The following FBLN2 variants were observed in gnomAD, a reference collection of about 807,000 sequenced individuals.
The protein encoded by FBLN2 is fibulin 2, also known as fibulin-2.
A neutral mutation model predicts 123.7 loss-of-function variants in FBLN2; 81 were observed. The observed-to-expected ratio is 0.65, with a 90% CI of 0.55 to 0.79. The LOEUF is 0.79. Among genes scored for constraint, FBLN2 ranks in the 30% least tolerant of loss-of-function variants. The pLI, the probability that FBLN2 is intolerant of heterozygous loss-of-function variation, is 0.00. For missense variants in FBLN2, 1,603 were observed against 1,681.3 expected (o/e 0.95, Z 0.81); for synonymous variants, 699 against 701.4 (o/e 1.00, Z 0.05).
chr3:13,588,109 A>G (rs566165159), intron 2 of FBLN2, among the ~76,000 whole-genome samples: 279 of 152,334 alleles, frequency 1.8e-3, no homozygotes, highest in African/African-American at 6.5e-3. Flanking sequence ...GGCCCTATAC[A>G]GGCGAACCAC....
chr3:13,597,239 A>G (rs1210615554), intron 2 of FBLN2, among the ~76,000 whole-genome samples: 2 of 152,142 alleles, frequency 1.3e-5, no homozygotes, highest in Non-Finnish European at 2.9e-5. Context: ...GCCTGGATCT[A>G]TTTTTAAAAG....
In FBLN2 at chr3:13,609,579, A is replaced by G; in HGVS notation, c.1485A>G (p.Gly495=). The part of the protein sequence containing the change: ...QEKSCMAGVL[G]AKEGETCGAE... ...AGAGCTGCATGGCCGGCGTCCTGGG[A>G]GCCAAGGAGGGTGAGACCTGTGGGG... Residue 495 remains glycine, a synonymous_variant, in exon 4 of 18, where the codon GGA becomes GGG. Coordinates refer to ENST00000404922, the MANE Select transcript of FBLN2 (RefSeq NM_001004019.2). 6.4e-7 allele frequency: 1 copy of G among 1,558,532 alleles called. No homozygotes were observed. The highest frequency in any genetic ancestry group is 8.7e-7 in the Non-Finnish European group (1 of 1,151,132).
intron 3 of FBLN2, 46 bp downstream of exon 3, chr3:13,608,219 T>G: frequency 7.1e-7 from 1 of 1,405,710 alleles, no homozygotes; most frequent in Non-Finnish European, 9.8e-7. Context: ...ATTTGCCTTC[T>G]CCAGAACCCT....
At chr3:13,562,065 A>G (rs1445950389) in intron 1 of FBLN2, among the ~76,000 whole-genome samples, 3 of 152,166 alleles carry the variant, frequency 2.0e-5, no homozygotes, top group Admixed American at 2.0e-4. Context: ...TAAAATCCCT[A>G]CTTGATGCTT....
chr3:13,557,790 GACCC>G (rs1703500638), intron 1 of FBLN2, among the ~76,000 whole-genome samples: 1 of 152,280 alleles, frequency 6.6e-6, no homozygotes, highest in Non-Finnish European at 1.5e-5. Context: ...GCAGTGATTA[GACCC>G]ACTGTGCAGA....
At chr3:13,621,641 C>A in intron 8 of FBLN2, 134 bp from the exon 9 acceptor site, 1 of 888,690 alleles carries the variant, frequency 1.1e-6, no homozygotes, top group Non-Finnish European at 1.7e-6. Flanking sequence ...GGCCCAGCTA[C>A]ACACAGTCAG....
Position 13,549,207 on chromosome 3 carries a change from C to T in FBLN2, c.-43C>T. 5 of 983,618 alleles carry T rather than the reference C, an allele frequency of 5.1e-6. No homozygotes were observed. Among genetic ancestry groups the T allele is most frequent in the African/African-American group, 1.8e-5 (1 of 57,130 alleles). 60.9% of individuals were successfully genotyped at this position (983,618 alleles called of 1,614,324 possible). A position where few individuals can be genotyped will look rare whatever the true frequency, so the allele number is the denominator to read the frequency against. ...GACGGACGCCGAGCGCAGTGCCCCG[C>T]GGTGAGTGCACGCGGCCCCTCCCGC... On this transcript the variant is annotated splice_region_variant and 5_prime_UTR_variant, in exon 1 of 18. Coordinates refer to ENST00000404922, the MANE Select transcript of FBLN2 (RefSeq NM_001004019.2).
Position 13,629,204 on chromosome 3 carries a change from G to C in FBLN2, c.2754G>C (p.Glu918Asp), listed in dbSNP as rs1706162260. The C allele has an allele frequency of 6.2e-7, 1 of 1,613,270 alleles. No individual in the cohort carries two copies. Among genetic ancestry groups the C allele is most frequent in the Non-Finnish European group, 8.5e-7 (1 of 1,179,778 alleles). ...AGACAGGTGTGCACCGCTGCGGTGA[G>C]GGCCAAGTGTGCCACAACCTCCCTG... ...ECETGVHRCG[E>D]GQVCHNLPGS... The change falls in exon 13 of 18, where the codon GAG becomes GAC. Residue 918 changes from glutamate (E) to aspartate (D), a missense_variant. Glu to Asp is a conservative substitution (Grantham distance 45, BLOSUM62 2). Transcript: ENST00000404922.
Position 13,629,166 on chromosome 3 carries a change from G to A in FBLN2, c.2716G>A (p.Val906Met), listed in dbSNP as rs376360301. The A allele has an allele frequency of 9.9e-6, 16 of 1,612,928 alleles. 1 individual carries two copies. The East Asian group carries it at 1.1e-4, about 11-fold the overall frequency. ...GGTACCCTGCTCACCCCCCACAGAC[G>A]TGAATGAGTGTGAGACAGGTGTGCA... ...ASDDGTKCVD[V>M]NECETGVHRC... Residue 906 changes from valine to methionine, a missense_variant and splice_region_variant, in exon 13 of 18, where the codon GTG (valine) becomes ATG (methionine). Physicochemically the swap from Val to Met is conservative, Grantham distance 21 (BLOSUM62 1). Coordinates refer to ENST00000404922, the MANE Select transcript of FBLN2 (RefSeq NM_001004019.2).
intron 2 of FBLN2, among the ~76,000 whole-genome samples, chr3:13,579,868 T>G (rs1025432054): frequency 7.2e-5 from 11 of 152,184 alleles, no homozygotes; most frequent in African/African-American, 1.7e-4. Flanking sequence ...AGCACACAAC[T>G]CAAATGAATT....
intron 8 of FBLN2, among the ~76,000 whole-genome samples, chr3:13,621,537 C>A (rs554139943): frequency 2.6e-5 from 4 of 152,152 alleles, no homozygotes; most frequent in African/African-American, 9.7e-5. Context: ...CCACTGTGAC[C>A]GTGGGCAGCC....
chr3:13,625,596 G>A (rs1706009544), intron 9 of FBLN2, among the ~76,000 whole-genome samples: 1 of 151,860 alleles, frequency 6.6e-6, no homozygotes, highest in African/African-American at 2.4e-5. Context: ...CCAGCTGCTT[G>A]GCCAGAAGCT....
intron 2 of FBLN2, among the ~76,000 whole-genome samples, chr3:13,600,370 A>C (rs988956034): frequency 2.0e-5 from 3 of 152,030 alleles, no homozygotes; most frequent in African/African-American, 7.2e-5. Flanking sequence ...TTTGAGAAGG[A>C]AGGTGGCCAG....
At chr3:13,610,651 C>T (rs931270002) in intron 4 of FBLN2, among the ~76,000 whole-genome samples, 1 of 152,118 alleles carries the variant, frequency 6.6e-6, no homozygotes, top group African/African-American at 2.4e-5. Flanking sequence ...TCTACTAGAG[C>T]TCATGGTGGC....
At chr3:13,561,261 T>A (rs1209966221) in intron 1 of FBLN2, among the ~76,000 whole-genome samples, 1 of 152,238 alleles carries the variant, frequency 6.6e-6, no homozygotes, top group African/African-American at 2.4e-5. Flanking sequence ...CAGTCTGTTC[T>A]TGAATTCCCA....
At chr3:13,611,306 T>C (rs777509475) in intron 4 of FBLN2, among the ~76,000 whole-genome samples, 17 of 152,204 alleles carry the variant, frequency 1.1e-4, no homozygotes, top group Non-Finnish European at 1.9e-4. Flanking sequence ...CTGAACCATT[T>C]GTAAGCGCAC....
At chr3:13,578,844 C>T (rs976843093) in intron 2 of FBLN2, among the ~76,000 whole-genome samples, 81 of 151,938 alleles carry the variant, frequency 5.3e-4, no homozygotes, top group African/African-American at 1.8e-3. Context: ...CTCCTGAGGT[C>T]GGGAGTTCAA....
chr3:13,609,690 G>GCCCC, intron 4 of FBLN2, 48 bp downstream of exon 4: 1 of 1,476,704 alleles, frequency 6.8e-7, no homozygotes. Context: ...GGGGCGGGGC[G>GCCCC]GGAGGCTGGC....
intron 1 of FBLN2, among the ~76,000 whole-genome samples, chr3:13,567,512 C>T (rs529691869): frequency 1.4e-3 from 217 of 152,328 alleles, no homozygotes; most frequent in Non-Finnish European, 2.4e-3. Context: ...CACACGCCAT[C>T]ATGCCTGGCT....
Sources: gnomAD v4.1 joint callset for allele counts (sites outside exome capture counted in the v4.1 genomes callset) on GRCh38, gnomAD v4.1.1 for gene constraint, MANE v1.5 for transcripts, NCBI Gene and HGNC (gene_info 2026-07-23, HGNC 2026-07-21) for gene names.